Variants in CHSY3 observed in about 807,000 individuals in gnomAD.
The protein encoded by CHSY3 is N-acetylgalactosaminyl-proteoglycan 3-beta-glucuronosyltransferase 3.
Under a neutral mutation model 67.2 loss-of-function variants are expected in CHSY3, and 35 were observed. The ratio of observed to expected loss-of-function variants is 0.52; its 90% CI spans 0.40 to 0.69. The LOEUF (loss-of-function observed/expected upper bound fraction) is 0.69, where lower values mean the gene tolerates loss of function less well. Among genes scored for constraint, CHSY3 ranks in the 30% least tolerant of loss-of-function variants. CHSY3 has a pLI of 0.00. For synonymous variants in CHSY3, 474 were observed against 434.7 expected (o/e 1.09, Z -1.12); for missense variants, 1,069 against 1,138.5 (o/e 0.94, Z 0.88).
At chr5:130,073,396 T>A (rs1766149786) in intron 2 of CHSY3, among the ~76,000 whole-genome samples, 3 of 152,086 alleles carry the variant, frequency 2.0e-5, no homozygotes, top group Admixed American at 1.3e-4. Context: ...CAAGCGATTC[T>A]CCTGCCTCAG....
chr5:130,098,003 C>CA (rs1242855771), intron 2 of CHSY3, among the ~76,000 whole-genome samples: 1 of 150,810 alleles, frequency 6.6e-6, no homozygotes, highest in Admixed American at 6.6e-5. Context: ...GACTCCATCT[C>CA]AAAAAAAGAA....
At chr5:130,121,568 T>C (rs1490191943) in intron 2 of CHSY3, among the ~76,000 whole-genome samples, 1 of 152,180 alleles carries the variant, frequency 6.6e-6, no homozygotes, top group East Asian at 1.9e-4. Flanking sequence ...ACATAGATAC[T>C]TGGGGCACAT....
At chr5:129,995,283 A>G (rs1763501966) in intron 2 of CHSY3, among the ~76,000 whole-genome samples, 1 of 151,672 alleles carries the variant, frequency 6.6e-6, no homozygotes, top group Non-Finnish European at 1.5e-5. Context: ...CAAATGATGT[A>G]TTTTTCTTAT....
chr5:130,009,350 T>C (rs1285325248), intron 2 of CHSY3, among the ~76,000 whole-genome samples: 4 of 152,102 alleles, frequency 2.6e-5, no homozygotes, highest in Non-Finnish European at 5.9e-5. Context: ...ACCAAGAATT[T>C]CATATCCAGC....
intron 2 of CHSY3, among the ~76,000 whole-genome samples, chr5:130,019,945 T>TTA (rs1764318619): frequency 6.6e-6 from 1 of 152,198 alleles, no homozygotes; most frequent in Non-Finnish European, 1.5e-5. Context: ...TGCATTATAA[T>TTA]TATTTACACT....
intron 2 of CHSY3, among the ~76,000 whole-genome samples, chr5:130,180,924 C>G (rs1174706146): frequency 6.6e-6 from 1 of 152,138 alleles, no homozygotes; most frequent in African/African-American, 2.4e-5. Flanking sequence ...GCTATGTTTT[C>G]ATTATTAATA....
intron 2 of CHSY3, among the ~76,000 whole-genome samples, chr5:130,168,416 A>G (rs1290653178): frequency 1.3e-5 from 2 of 152,106 alleles, no homozygotes; most frequent in Non-Finnish European, 2.9e-5. Context: ...CGAAAATAGT[A>G]AAGAGATGGA....
At chr5:130,083,924 G>A (rs1367440666) in intron 2 of CHSY3, among the ~76,000 whole-genome samples, 1 of 151,446 alleles carries the variant, frequency 6.6e-6, no homozygotes, top group African/African-American at 2.4e-5. Flanking sequence ...TTCTTTAAAT[G>A]GGAGATTGTA....
chr5:130,057,879 ATGT>A (rs1765585838), intron 2 of CHSY3, among the ~76,000 whole-genome samples: 2 of 151,856 alleles, frequency 1.3e-5, no homozygotes, highest in African/African-American at 4.9e-5. Context: ...TATACTGCCT[ATGT>A]CAACACATAC....
chr5:130,099,929 G>C (rs1767173450), intron 2 of CHSY3, among the ~76,000 whole-genome samples: 1 of 152,064 alleles, frequency 6.6e-6, no homozygotes, highest in South Asian at 2.1e-4. Flanking sequence ...CTAATGTAAT[G>C]AATGTGTCTC....
At chr5:130,015,237 C>T (rs1173676275) in intron 2 of CHSY3, among the ~76,000 whole-genome samples, 3 of 152,096 alleles carry the variant, frequency 2.0e-5, no homozygotes, top group Non-Finnish European at 2.9e-5. Flanking sequence ...TTTGCCATGA[C>T]TAAAAGTTTC....
intron 2 of CHSY3, among the ~76,000 whole-genome samples, chr5:129,938,561 C>A (rs146837463): frequency 1.3e-5 from 2 of 152,136 alleles, no homozygotes; most frequent in African/African-American, 4.8e-5. Context: ...GCAGCCAGGC[C>A]ACATCGTGAA....
chr5:130,182,949 GT>G lies in CHSY3; in HGVS notation c.1087-1270del, dbSNP rs556477346. Among the ~76,000 whole-genome samples the G allele has an allele frequency of 3.7e-3, 536 of 145,142 alleles. 3 individuals carry two copies. The highest frequency in any genetic ancestry group is 0.01 in the African/African-American group (412 of 39,678). On this transcript the variant is annotated intron_variant, in intron 2 of 2. Coordinates refer to ENST00000305031, the MANE Select transcript of CHSY3 (RefSeq NM_175856.5). ...TTAAGCTTATTTGTCTATTAATTGA[GT>G]TTTTTTTTTGAAGAGGCTGTTTTTT...
intron 2 of CHSY3, among the ~76,000 whole-genome samples, chr5:129,995,386 T>C (rs1020920484): frequency 6.6e-6 from 1 of 152,108 alleles, no homozygotes; most frequent in African/African-American, 2.4e-5. Flanking sequence ...GGTTGGCCTC[T>C]GCACATCCAT....
rs1554087190 is a variant in CHSY3, at chr5:130,162,057, A to AG, written c.1087-22172_1087-22171insG. Among the ~76,000 whole-genome samples the AG allele has an allele frequency of 5.7e-5, 7 of 122,980 alleles. No homozygotes were observed. The South Asian group carries it at 1.0e-3, about 18-fold the overall frequency. 80.7% of individuals were successfully genotyped at this position (122,980 alleles called of 152,430 possible). The stretch of plus-strand genomic sequence containing the variant: ...CCCTGTCTCAAAAAAAAAAAAAAAA[A>AG]AAAGAAAGAAAGAAAGAAAAAGTTA... On this transcript the variant is annotated intron_variant, in intron 2 of 2. Transcript: ENST00000305031.
At chr5:130,149,016 T>C (rs1769155499) in intron 2 of CHSY3, among the ~76,000 whole-genome samples, 1 of 152,208 alleles carries the variant, frequency 6.6e-6, no homozygotes, top group Non-Finnish European at 1.5e-5. Context: ...TCCAAGGTTT[T>C]TATAGTTTTG....
intron 2 of CHSY3, among the ~76,000 whole-genome samples, chr5:129,944,536 T>C (rs148054589): frequency 0.013 from 1,942 of 152,236 alleles, 20 homozygotes; most frequent in Middle Eastern, 0.031. Context: ...GGTTTCAGCA[T>C]GTTGGTCAGG....
chr5:130,172,689 C>T (rs1253101308), intron 2 of CHSY3, among the ~76,000 whole-genome samples: 3 of 152,166 alleles, frequency 2.0e-5, no homozygotes, highest in Non-Finnish European at 4.4e-5. Flanking sequence ...ATGTGCTACG[C>T]AATGTTTCTG....
At chr5:130,091,146 G>GCGCGCACACACA (rs1554082166) in intron 2 of CHSY3, among the ~76,000 whole-genome samples, 28 of 149,548 alleles carry the variant, frequency 1.9e-4, no homozygotes, top group African/African-American at 6.4e-4. Flanking sequence ...GCACACGCGC[G>GCGCGCACACACA]CACACACACA....
Sources: allele counts gnomAD v4.1 joint callset (sites outside exome capture counted in the v4.1 genomes callset), GRCh38; gene constraint gnomAD v4.1.1; transcripts MANE v1.5; gene names NCBI Gene and HGNC (gene_info 2026-07-23, HGNC 2026-07-21).